The following NRG3 variants were observed in gnomAD, a reference collection of about 807,000 sequenced individuals.
NRG3 encodes the protein pro-neuregulin-3, membrane-bound isoform.
In NRG3, 31 loss-of-function variants were observed where a neutral mutation model predicts 66.9. The ratio of observed to expected loss-of-function variants is 0.46; its 90% CI spans 0.35 to 0.63. NRG3 has a LOEUF of 0.63. Ranked by LOEUF, NRG3 falls within the 20% of genes least tolerant of loss-of-function variation. The probability of loss-of-function intolerance (pLI) is 0.00; values close to 1 mark genes in which losing one functional copy is unlikely to be tolerated. For synonymous variants in NRG3, 393 were observed against 359.4 expected (o/e 1.09, Z -1.06); for missense variants, 910 against 878.9 (o/e 1.04, Z -0.45).
intron 1 of NRG3, among the ~76,000 whole-genome samples, chr10:82,074,830 C>T (rs1428187002): frequency 1.3e-5 from 2 of 152,176 alleles, no homozygotes; most frequent in African/African-American, 4.8e-5. Flanking sequence ...GAGCTAGACC[C>T]TGTCCCCTCC....
At chr10:82,933,529 T>A (rs1429427537) in intron 4 of NRG3, among the ~76,000 whole-genome samples, 1 of 152,232 alleles carries the variant, frequency 6.6e-6, no homozygotes, top group Non-Finnish European at 1.5e-5. Flanking sequence ...CTATTTATTT[T>A]GTGTCCATTC....
chr10:82,147,492 A>G (rs1404938205), intron 1 of NRG3, among the ~76,000 whole-genome samples: 1 of 152,232 alleles, frequency 6.6e-6, no homozygotes, highest in East Asian at 1.9e-4. Flanking sequence ...TTTTAATGAG[A>G]ATAACAACTC....
At chr10:81,930,777 A>G (rs1847267728) in intron 1 of NRG3, among the ~76,000 whole-genome samples, 1 of 152,198 alleles carries the variant, frequency 6.6e-6, no homozygotes, top group Admixed American at 6.5e-5. Flanking sequence ...CTGAGACATT[A>G]TGCCAGCACA....
Position 82,058,631 on chromosome 10 carries a change from C to G in NRG3, c.823+182468C>G, listed in dbSNP as rs189660697. ...TAGGTCATATTGAGTAGTTCCATCA[C>G]AAGTTTTTTTATTTTGATTTTTTTC... is the stretch of plus-strand genomic sequence containing the variant. On this transcript the variant is annotated intron_variant, in intron 1 of 8. Transcript: ENST00000372141. Among the ~76,000 whole-genome samples, 187 of 151,882 alleles carry G rather than the reference C, an allele frequency of 1.2e-3. 1 individual carries two copies. Among genetic ancestry groups the G allele is most frequent in the African/African-American group, 4.2e-3 (173 of 41,458 alleles).
chr10:82,535,276 T>C (rs1035795121), intron 2 of NRG3, among the ~76,000 whole-genome samples: 1 of 151,222 alleles, frequency 6.6e-6, no homozygotes, highest in Non-Finnish European at 1.5e-5. Context: ...CAAATATATA[T>C]GTAATTTAAT....
chr10:82,518,607 C>T (rs1845910649), intron 2 of NRG3, among the ~76,000 whole-genome samples: 1 of 152,086 alleles, frequency 6.6e-6, no homozygotes, highest in African/African-American at 2.4e-5. Flanking sequence ...AAGTAATTTT[C>T]TCTGGCTAGG....
chr10:81,890,674 C>T (rs1298498611), intron 1 of NRG3, among the ~76,000 whole-genome samples: 1 of 152,180 alleles, frequency 6.6e-6, no homozygotes, highest in East Asian at 1.9e-4. Context: ...ATCCTGATTG[C>T]TGTAAAATAA....
intron 1 of NRG3, among the ~76,000 whole-genome samples, chr10:82,022,890 A>G (rs927944358): frequency 6.6e-6 from 1 of 151,240 alleles, no homozygotes; most frequent in Non-Finnish European, 1.5e-5. Context: ...TTAACTATAC[A>G]TATATTTAAC....
In NRG3 at chr10:82,369,482, T is replaced by C. The variant is rs141248270; in HGVS notation, c.953+10614T>C. 1.3e-4 allele frequency among the ~76,000 whole-genome samples: 18 copies of C among 137,548 alleles called. 2 individuals are homozygous for C. The East Asian group carries it at 3.7e-3, about 28-fold the overall frequency. 90.2% of individuals were successfully genotyped at this position (137,548 alleles called of 152,430 possible). ...CCTGGCTAATTTTTTAAAGTTTTTG[T>C]ACTGGTGGGGTCTCAGTATGTGGCC... On this transcript the variant is annotated intron_variant, in intron 2 of 8. Coordinates refer to ENST00000372141, the MANE Select transcript of NRG3 (RefSeq NM_001010848.4).
chr10:82,158,311 G>T (rs1345513176), intron 1 of NRG3, among the ~76,000 whole-genome samples: 1 of 151,648 alleles, frequency 6.6e-6, no homozygotes, highest in Non-Finnish European at 1.5e-5. Flanking sequence ...TCTCCAAAAT[G>T]GCTCTAAATT....
chr10:82,452,766 C>T (rs2091078041), intron 2 of NRG3, among the ~76,000 whole-genome samples: 2 of 152,078 alleles, frequency 1.3e-5, no homozygotes, highest in African/African-American at 4.8e-5. Flanking sequence ...GATTTCTTCC[C>T]TCCTTTGGCT....
chr10:82,651,607 G>A lies in NRG3; in HGVS notation c.954-86970G>A, dbSNP rs73297750. On this transcript the variant is annotated intron_variant, in intron 2 of 8. Coordinates refer to ENST00000372141, the MANE Select transcript of NRG3 (RefSeq NM_001010848.4). ...GAGTTTAGGCCTTTAGCCAGCAGTC[G>A]TGAGTGTGCCATTGTGGAAGCAGAG... Among the ~76,000 whole-genome samples, 1,515 of 152,304 alleles carry A rather than the reference G, an allele frequency of 9.9e-3. 26 individuals are homozygous for A. Among genetic ancestry groups the A allele is most frequent in the African/African-American group, 0.034 (1,418 of 41,558 alleles).
intron 1 of NRG3, among the ~76,000 whole-genome samples, chr10:82,347,303 T>G (rs940771398): frequency 4.6e-5 from 7 of 151,444 alleles, no homozygotes; most frequent in Admixed American, 2.6e-4. Context: ...CATCTTTATT[T>G]CTGCCTTCAT....
At chr10:82,948,080 G>A (rs1049482663) in intron 4 of NRG3, among the ~76,000 whole-genome samples, 3 of 151,880 alleles carry the variant, frequency 2.0e-5, no homozygotes, top group Admixed American at 1.3e-4. Context: ...CTTTTTGAGT[G>A]TATATATGTA....
At chr10:82,625,035 G>C (rs2049321081) in intron 2 of NRG3, among the ~76,000 whole-genome samples, 2 of 151,282 alleles carry the variant, frequency 1.3e-5, no homozygotes, top group African/African-American at 4.9e-5. Flanking sequence ...TCCTATTCTG[G>C]ATAGAACAGA....
rs1305336764 is a variant in NRG3 at position 82,652,863 on chromosome 10, A to T, written c.954-85714A>T. Reference sequence around the variant, plus strand: ...TTCTGACCTTTCAAATGTGTGTGAGATAATAAATGTGTTGTTTTAAGCTGC... The same window carrying T: ...TTCTGACCTTTCAAATGTGTGTGAGTTAATAAATGTGTTGTTTTAAGCTGC... On this transcript the variant is annotated intron_variant, in intron 2 of 8. Transcript: ENST00000372141. Among the ~76,000 whole-genome samples, 3 of 152,298 alleles carry T rather than the reference A, an allele frequency of 2.0e-5. No individual in the cohort carries two copies. The East Asian group carries it at 5.8e-4, about 29-fold the overall frequency.
intron 2 of NRG3, among the ~76,000 whole-genome samples, chr10:82,386,471 A>G (rs1589941803): frequency 6.6e-6 from 1 of 152,338 alleles, no homozygotes; most frequent in East Asian, 1.9e-4. Context: ...CATTGTCATC[A>G]TAAATTCCTA....
At chr10:82,803,319 T>C (rs183055466) in intron 3 of NRG3, among the ~76,000 whole-genome samples, 31 of 152,322 alleles carry the variant, frequency 2.0e-4, no homozygotes, top group Admixed American at 1.7e-3. Context: ...CAATATTCTT[T>C]TAAATTGCCT....
At chr10:82,345,329 T>C (rs1366617504) in intron 1 of NRG3, among the ~76,000 whole-genome samples, 3 of 147,738 alleles carry the variant, frequency 2.0e-5, no homozygotes, top group East Asian at 2.0e-4. Context: ...GAATCCTTTC[T>C]CCATTGCTTG....
Sources: gnomAD v4.1 joint callset for allele counts (sites outside exome capture counted in the v4.1 genomes callset) on GRCh38, gnomAD v4.1.1 for gene constraint, MANE v1.5 for transcripts, NCBI Gene and HGNC (gene_info 2026-07-23, HGNC 2026-07-21) for gene names.